The following AXDND1 variants were observed in gnomAD, a reference collection of about 807,000 sequenced individuals.
AXDND1 encodes axonemal dynein light chain domain containing 1.
In AXDND1, 110 loss-of-function variants were observed where a neutral mutation model predicts 137.5. The observed-to-expected ratio is 0.80, with a 90% CI of 0.69 to 0.94. The LOEUF (loss-of-function observed/expected upper bound fraction) is 0.94. AXDND1 is among the 40% of genes least tolerant of loss of function. The probability of loss-of-function intolerance (pLI) is 0.00; values close to 1 mark genes in which losing one functional copy is unlikely to be tolerated. For synonymous variants in AXDND1, 414 were observed against 399.7 expected (o/e 1.04, Z -0.43); for missense variants, 1,191 against 1,169.8 (o/e 1.02, Z -0.26).
intron 25 of AXDND1, among the ~76,000 whole-genome samples, chr1:179,537,809 A>G (rs894997002): frequency 6.6e-6 from 1 of 152,118 alleles, no homozygotes; most frequent in Admixed American, 6.5e-5. Flanking sequence ...TTGGCTGTGA[A>G]TCCATCTGGT....
intron 16 of AXDND1, among the ~76,000 whole-genome samples, chr1:179,465,136 T>A (rs537172591): frequency 1.3e-5 from 2 of 152,364 alleles, no homozygotes; most frequent in East Asian, 3.9e-4. Flanking sequence ...TCAAAGTCAT[T>A]CTCCATCCAG....
intron 11 of AXDND1, among the ~76,000 whole-genome samples, chr1:179,397,095 T>TA (rs1180954731): frequency 6.6e-6 from 1 of 152,210 alleles, no homozygotes; most frequent in Non-Finnish European, 1.5e-5. Context: ...TCTGTGTACT[T>TA]ATGTGTTTTT....
chr1:179,434,906 C>G (rs1657922838), intron 15 of AXDND1, among the ~76,000 whole-genome samples: 1 of 152,186 alleles, frequency 6.6e-6, no homozygotes, highest in Non-Finnish European at 1.5e-5. Context: ...CAAATTATCT[C>G]TGTTTGCAGT....
chr1:179,396,887 A>C (rs1651160290), intron 11 of AXDND1, among the ~76,000 whole-genome samples: 1 of 152,148 alleles, frequency 6.6e-6, no homozygotes, highest in Non-Finnish European at 1.5e-5. Context: ...ATTGCATGTG[A>C]GATGAGTCTC....
chr1:179,551,179 C>T (rs969389290), intron 25 of AXDND1: 1 of 1,614,006 alleles, frequency 6.2e-7, no homozygotes, highest in Non-Finnish European at 8.5e-7. Flanking sequence ...CTTCCTATAA[C>T]ATGGGAGAGT....
intron 18 of AXDND1, among the ~76,000 whole-genome samples, chr1:179,485,330 A>G (rs1358293225): frequency 6.6e-6 from 1 of 152,186 alleles, no homozygotes; most frequent in East Asian, 1.9e-4. Context: ...GGCTCTTCCA[A>G]TACAGTAGGT....
chr1:179,461,528 A>G (rs1345958650), intron 16 of AXDND1, among the ~76,000 whole-genome samples: 1 of 152,298 alleles, frequency 6.6e-6, no homozygotes, highest in Middle Eastern at 3.4e-3. Flanking sequence ...TGTCTTGGCA[A>G]TGTGGGCTAT....
chr1:179,483,459 C>T (rs535861100), intron 18 of AXDND1, among the ~76,000 whole-genome samples: 5 of 152,284 alleles, frequency 3.3e-5, no homozygotes, highest in African/African-American at 9.6e-5. Flanking sequence ...GCTGGTAGTA[C>T]GGATTCAGGC....
chr1:179,509,461 GA>G (rs1353812212), intron 21 of AXDND1, 58 bp downstream of exon 21: 3 of 1,119,246 alleles, frequency 2.7e-6, no homozygotes, highest in Non-Finnish European at 4.0e-6. Flanking sequence ...TTTCAGTACA[GA>G]AGGTTCACAG....
Position 179,488,634 on chromosome 1 carries a change from C to CTTTTCTTTCTTTCTTTTT in AXDND1, c.2092-2904_2092-2903insTTTTCTTTCTTTCTTTTT, listed in dbSNP as rs376189496. 3.8e-5 allele frequency among the ~76,000 whole-genome samples: 4 copies of CTTTTCTTTCTTTCTTTTT among 105,172 alleles called. 1 individual carries two copies. Among genetic ancestry groups the CTTTTCTTTCTTTCTTTTT allele is most frequent in the African/African-American group, 1.6e-4 (4 of 25,576 alleles). The allele number at this position is 105,172 out of a possible 152,430, so 69.0% of individuals were successfully genotyped here. A position where few individuals can be genotyped will look rare whatever the true frequency, so the allele number is the denominator to read the frequency against. ...TTTCTTTCTTTCTCTCTCTCTCTCT[C>CTTTTCTTTCTTTCTTTTT]CTTTCTTTCTTTCTTTCTTTCTTTC... On this transcript the variant is annotated intron_variant, in intron 18 of 25. Coordinates refer to ENST00000367618, the MANE Select transcript of AXDND1 (RefSeq NM_144696.6).
chr1:179,415,609 C>T (rs1654574286), intron 12 of AXDND1, among the ~76,000 whole-genome samples: 1 of 152,170 alleles, frequency 6.6e-6, no homozygotes, highest in African/African-American at 2.4e-5. Context: ...TCATTACCCT[C>T]AAAAGAAACT....
intron 21 of AXDND1, among the ~76,000 whole-genome samples, chr1:179,514,316 T>C (rs1669319914): frequency 6.6e-6 from 1 of 152,200 alleles, no homozygotes; most frequent in African/African-American, 2.4e-5. Context: ...CGTCTGAGTT[T>C]TGTTTTTGAC....
chr1:179,441,216 C>G (rs1209597814), intron 15 of AXDND1, among the ~76,000 whole-genome samples: 1 of 152,212 alleles, frequency 6.6e-6, no homozygotes, highest in Non-Finnish European at 1.5e-5. Flanking sequence ...TCCTTTGTTA[C>G]AGCAAGGACA....
At chr1:179,381,056 T>TTTTTTTG in intron 6 of AXDND1, among the ~76,000 whole-genome samples, 1 of 129,690 alleles carries the variant, frequency 7.7e-6, no homozygotes, top group African/African-American at 2.8e-5. Context: ...TTTTTTTTCT[T>TTTTTTTG]TGAGACGGAG....
intron 18 of AXDND1, among the ~76,000 whole-genome samples, chr1:179,490,776 T>TTTTA (rs879647607): frequency 1.3e-5 from 2 of 151,868 alleles, no homozygotes; most frequent in African/African-American, 4.8e-5. Context: ...TTTTTTTTTT[T>TTTTA]ATCACACAAC....
intron 14 of AXDND1, among the ~76,000 whole-genome samples, chr1:179,431,304 G>A (rs1657340096): frequency 6.6e-6 from 1 of 151,970 alleles, no homozygotes; most frequent in African/African-American, 2.4e-5. Flanking sequence ...ACCACACCCG[G>A]CTAATTTTTG....
At position 179,411,166 on chromosome 1, in the gene AXDND1, A is replaced by T. The variant is rs780594232; in HGVS notation, c.1130A>T (p.Asp377Val). ...TATAGAATAGTAGAAGAATATCATG[A>T]CTTATATACATTACAAAGAGAAAGG... The part of the protein sequence containing the change: ...KNAKIVEEYH[D>V]LYTLQRERME... Residue 377 changes from aspartate (D) to valine (V), a missense_variant, in exon 12 of 26, where the codon GAC becomes GTC. Asp to Val is a radical substitution (Grantham distance 152). Transcript: ENST00000367618. The T allele has an allele frequency of 1.3e-6, 2 of 1,589,510 alleles. No homozygotes were observed. The highest frequency in any genetic ancestry group is 3.6e-5 in the Admixed American group (2 of 55,492).
intron 17 of AXDND1, among the ~76,000 whole-genome samples, chr1:179,479,951 T>G (rs962281701): frequency 6.6e-6 from 1 of 152,206 alleles, no homozygotes; most frequent in Non-Finnish European, 1.5e-5. Context: ...CATCTCCATC[T>G]GTAACCACCT....
chr1:179,483,179 A>T lies in AXDND1; in HGVS notation c.2049A>T (p.Ile683=), dbSNP rs970613385. 6.2e-6 allele frequency: 10 copies of T among 1,611,062 alleles called. No individual in the cohort carries two copies. Among genetic ancestry groups the T allele is most frequent in the Non-Finnish European group, 8.5e-6 (10 of 1,178,346 alleles). The part of the protein sequence containing the change: ...FNMIQQWLLK[I]GNEINNGNIE... ...TGATTCAACAATGGCTTTTGAAGAT[A>T]GGCAATGAAATTAACAACGGTAACA... The change falls in exon 18 of 26, where the codon ATA becomes ATT. Residue 683 remains isoleucine (I), a synonymous_variant. Transcript: ENST00000367618.
Sources: allele counts gnomAD v4.1 joint callset (sites outside exome capture counted in the v4.1 genomes callset), GRCh38; gene constraint gnomAD v4.1.1; transcripts MANE v1.5; gene names NCBI Gene and HGNC (gene_info 2026-07-23, HGNC 2026-07-21).